The following PPFIBP1 variants were observed in gnomAD, a reference collection of about 807,000 sequenced individuals.
PPFIBP1 encodes PPFIB scaffold protein 1.
PPFIBP1 carries 112 observed loss-of-function variants against 137.8 expected under a neutral mutation model. The ratio of observed to expected loss-of-function variants is 0.81; its 90% CI spans 0.70 to 0.95. The LOEUF is 0.95. PPFIBP1 is among the 40% of genes least tolerant of loss of function. The pLI, the probability that PPFIBP1 is intolerant of heterozygous loss-of-function variation, is 0.00. For synonymous variants in PPFIBP1, 378 were observed against 417.3 expected (o/e 0.91, Z 1.15); for missense variants, 1,083 against 1,196.6 (o/e 0.91, Z 1.40).
At chr12:27,646,425 T>TTG in intron 5 of PPFIBP1, 1 of 404,920 alleles carries the variant, frequency 2.5e-6, no homozygotes, top group Non-Finnish European at 4.7e-6. Context: ...TTTTTTTTTT[T>TTG]TGGAGGCGGG....
intron 19 of PPFIBP1, chr12:27,677,354 AT>A (rs2060584547): frequency 1.8e-6 from 1 of 550,598 alleles, no homozygotes; most frequent in Non-Finnish European, 3.2e-6. Context: ...CGTGTGCAGC[AT>A]CCCTCAGAGT....
chr12:27,634,643 C>T (rs1036396237), intron 3 of PPFIBP1, among the ~76,000 whole-genome samples: 6 of 152,198 alleles, frequency 3.9e-5, no homozygotes, highest in Non-Finnish European at 8.8e-5. Flanking sequence ...ACACCTCACA[C>T]CAAAGCCCAC....
chr12:27,653,946 A>C (rs1232271032), intron 7 of PPFIBP1, among the ~76,000 whole-genome samples: 2 of 152,232 alleles, frequency 1.3e-5, no homozygotes, highest in Non-Finnish European at 2.9e-5. Context: ...GAAAATTGTC[A>C]TTAAACTTAC....
chr12:27,601,088 TTGTACC>T (rs143448661), intron 2 of PPFIBP1, among the ~76,000 whole-genome samples: 247 of 152,266 alleles, frequency 1.6e-3, no homozygotes, highest in African/African-American at 5.6e-3. Context: ...AACTAAAACT[TTGTACC>T]TGTTGACAAA....
intron 1 of PPFIBP1, among the ~76,000 whole-genome samples, chr12:27,566,727 A>G (rs980082422): frequency 6.6e-6 from 1 of 152,206 alleles, no homozygotes; most frequent in African/African-American, 2.4e-5. Flanking sequence ...TGGAATCTCC[A>G]TTTTATAGAT....
rs2058837379 is a variant in PPFIBP1 at position 27,650,882 on chromosome 12, T to C, written c.603+741T>C. Among the ~76,000 whole-genome samples, 4 of 152,338 alleles carry C rather than the reference T, an allele frequency of 2.6e-5. No individual in the cohort carries two copies. In the South Asian group the frequency reaches 8.3e-4, roughly 32 times the overall value. On this transcript the variant is annotated intron_variant, in intron 7 of 29. Coordinates refer to ENST00000228425, the MANE Select transcript of PPFIBP1 (RefSeq NM_003622.4). The stretch of plus-strand genomic sequence containing the variant: ...TGAAACATACATTTGAAATGAAGTA[T>C]AAAGAGTTGCAGAAATTTCTTTTCT...
At position 27,693,056 on chromosome 12, in the gene PPFIBP1, A is replaced by G; in HGVS notation, c.*174A>G. ...AATGTGCCGATTCTGAAGTTGCCAC[A>G]AAAAATAAGACACTGGTGAATGAGA... On this transcript the variant is annotated 3_prime_UTR_variant, in exon 30 of 30. Coordinates refer to ENST00000228425, the MANE Select transcript of PPFIBP1 (RefSeq NM_003622.4). 1 of 948,380 alleles carries G rather than the reference A, an allele frequency of 1.1e-6. No individual in the cohort carries two copies. The highest frequency in any genetic ancestry group is 1.5e-6 in the Non-Finnish European group (1 of 678,086). 58.7% of individuals were successfully genotyped at this position (948,380 alleles called of 1,614,324 possible).
At chr12:27,562,088 TCTCTGAGCTCTCTTTTTCCCAA>T (rs2049214750) in intron 1 of PPFIBP1, among the ~76,000 whole-genome samples, 1 of 152,044 alleles carries the variant, frequency 6.6e-6, no homozygotes, top group Non-Finnish European at 1.5e-5. Context: ...GCGACCCTCC[TCTCTGAGCTCTCTTTTTCCCAA>T]CTCTGCATTG....
chr12:27,561,909 G>C (rs1218733648), intron 1 of PPFIBP1, among the ~76,000 whole-genome samples: 1 of 151,990 alleles, frequency 6.6e-6, no homozygotes, highest in East Asian at 1.9e-4. Context: ...AAATTAGCTG[G>C]GCATGTGGTG....
At chr12:27,627,668 C>T (rs1000264604) in intron 2 of PPFIBP1, among the ~76,000 whole-genome samples, 13 of 152,128 alleles carry the variant, frequency 8.5e-5, no homozygotes, top group African/African-American at 3.1e-4. Flanking sequence ...AGTCAGCAAC[C>T]GTGCAAAAAA....
intron 2 of PPFIBP1, among the ~76,000 whole-genome samples, chr12:27,580,921 TC>T (rs1213256598): frequency 5.3e-5 from 8 of 151,804 alleles, no homozygotes; most frequent in African/African-American, 4.8e-5. Flanking sequence ...TTTTTTTTTT[TC>T]TTTTAAGAGA....
intron 13 of PPFIBP1, among the ~76,000 whole-genome samples, chr12:27,670,354 T>C (rs1266348114): frequency 6.6e-6 from 1 of 152,220 alleles, no homozygotes; most frequent in African/African-American, 2.4e-5. Context: ...ACAAAGTCCA[T>C]TGTAATTGGT....
intron 11 of PPFIBP1, 78 bp downstream of exon 11, chr12:27,661,023 A>T (rs2059512231): frequency 7.7e-6 from 12 of 1,566,714 alleles, no homozygotes; most frequent in African/African-American, 1.4e-5. Context: ...TTCATGAGCT[A>T]TGCCATTTTA....
intron 21 of PPFIBP1, 63 bp from the exon 22 acceptor site, chr12:27,681,477 TTAAAAC>T: frequency 6.5e-7 from 1 of 1,537,186 alleles, no homozygotes; most frequent in East Asian, 2.3e-5. Context: ...GTATAGTTGT[TTAAAAC>T]TAATGATAAG....
chr12:27,550,164 C>T (rs750638559), intron 1 of PPFIBP1, among the ~76,000 whole-genome samples: 1 of 152,194 alleles, frequency 6.6e-6, no homozygotes, highest in Non-Finnish European at 1.5e-5. Context: ...AACCCGAGCT[C>T]GGCTTCAACA....
chr12:27,674,125 G>A (rs1759841727), intron 16 of PPFIBP1, 67 bp from the exon 17 acceptor site: 6 of 1,248,582 alleles, frequency 4.8e-6, no homozygotes, highest in Non-Finnish European at 6.9e-6. Flanking sequence ...GGAGTTGTAT[G>A]TGACAAATTC....
At chr12:27,660,296 T>C (rs1035189951) in intron 10 of PPFIBP1, among the ~76,000 whole-genome samples, 1 of 152,204 alleles carries the variant, frequency 6.6e-6, no homozygotes, top group African/African-American at 2.4e-5. Context: ...TTCAGCTTAC[T>C]TTGGCCTTTA....
At chr12:27,593,831 A>C (rs2052839909) in intron 2 of PPFIBP1, 1 of 1,326,648 alleles carries the variant, frequency 7.5e-7, no homozygotes. Flanking sequence ...TTGTCTCTTC[A>C]TGTGTTTCCT....
At position 27,690,159 on chromosome 12, in the gene PPFIBP1, G is replaced by C. The variant is rs118035763; in HGVS notation, c.2685+956G>C. ...GAAGAACATGAGTTTGAATTACACAGGTCCACTCCTACTCGGATTTTTTTT... is the reference window on the plus strand; with the variant it reads ...GAAGAACATGAGTTTGAATTACACACGTCCACTCCTACTCGGATTTTTTTT... On this transcript the variant is annotated intron_variant, in intron 27 of 29. Coordinates refer to ENST00000228425, the MANE Select transcript of PPFIBP1 (RefSeq NM_003622.4). Among the ~76,000 whole-genome samples the C allele has an allele frequency of 8.8e-3, 1,327 of 150,822 alleles. 11 individuals are homozygous for C. The highest frequency in any genetic ancestry group is 0.027 in the Middle Eastern group (8 of 292).
Sources: gnomAD v4.1 joint callset for allele counts (sites outside exome capture counted in the v4.1 genomes callset) on GRCh38, gnomAD v4.1.1 for gene constraint, MANE v1.5 for transcripts, NCBI Gene and HGNC (gene_info 2026-07-23, HGNC 2026-07-21) for gene names.